FMN2: variants seen among roughly 807,000 people sequenced by gnomAD.
The protein encoded by FMN2 is formin-2.
A neutral mutation model predicts 142.3 loss-of-function variants in FMN2; 51 were observed. The observed-to-expected ratio is 0.36, with a 90% CI of 0.29 to 0.45. The LOEUF is 0.45. Among genes scored for constraint, FMN2 ranks in the 20% least tolerant of loss-of-function variants. The pLI is 1.00. For missense variants in FMN2, 1,936 were observed against 2,122.8 expected, an observed-to-expected ratio of 0.91 and a Z score of 1.73; for synonymous variants, 882 against 869.8, an observed-to-expected ratio of 1.01 and a Z score of -0.25.
At chr1:240,221,440 T>C (rs1473077998) in intron 6 of FMN2, among the ~76,000 whole-genome samples, 1 of 152,122 alleles carries the variant, frequency 6.6e-6, no homozygotes, top group East Asian at 1.9e-4. Flanking sequence ...TCTCATTGTG[T>C]TTTTGATTTG....
In FMN2 at chr1:240,404,931, TATAAG is replaced by T. The variant is rs1674099126; in HGVS notation, c.4910+12371_4910+12375del. The stretch of plus-strand genomic sequence containing the variant: ...TTTTTTTCCAGTCTTGGTTGATAAT[TATAAG>T]AGAAACATCAAAGAATTCCTGCCCT... On this transcript the variant is annotated intron_variant, in intron 15 of 17. Coordinates refer to ENST00000319653, the MANE Select transcript of FMN2 (RefSeq NM_020066.5). Among the ~76,000 whole-genome samples, 5 of 152,314 alleles carry T rather than the reference TATAAG, an allele frequency of 3.3e-5. No homozygotes were observed. The South Asian group carries it at 6.2e-4, about 19-fold the overall frequency.
intron 6 of FMN2, among the ~76,000 whole-genome samples, chr1:240,249,764 TC>T (rs1668216021): frequency 1.3e-5 from 2 of 152,138 alleles, no homozygotes; most frequent in Non-Finnish European, 2.9e-5. Flanking sequence ...TCTGTCCTCT[TC>T]AATTTCTTTC....
chr1:240,112,531 A>T (rs1484064481), intron 1 of FMN2, among the ~76,000 whole-genome samples: 1 of 152,162 alleles, frequency 6.6e-6, no homozygotes, highest in African/African-American at 2.4e-5. Flanking sequence ...GGAGGGAGGA[A>T]AGGGAGCAGA....
chr1:240,391,294 T>C (rs1673594228), intron 14 of FMN2, among the ~76,000 whole-genome samples: 1 of 152,192 alleles, frequency 6.6e-6, no homozygotes, highest in African/African-American at 2.4e-5. Context: ...ACTTTGCAGA[T>C]ACCATGCAAA....
chr1:240,382,609 C>T (rs1005383279), intron 14 of FMN2, among the ~76,000 whole-genome samples: 7 of 151,762 alleles, frequency 4.6e-5, no homozygotes, highest in African/African-American at 7.3e-5. Context: ...TGCAGTGAAC[C>T]GAGATCGTGC....
At chr1:240,216,582 A>G (rs1171356536) in intron 6 of FMN2, among the ~76,000 whole-genome samples, 1 of 152,198 alleles carries the variant, frequency 6.6e-6, no homozygotes. Flanking sequence ...TAAATGTGCT[A>G]CTTATTATAA....
intron 14 of FMN2, among the ~76,000 whole-genome samples, chr1:240,391,289 G>T (rs1169727597): frequency 2.0e-5 from 3 of 152,144 alleles, no homozygotes. Context: ...TTATGACTTT[G>T]CAGATACCAT....
Position 240,206,984 on chromosome 1 carries a change from A to G in FMN2, c.2172A>G (p.Glu724=), listed in dbSNP as rs1414556146. ...GVTASGDVCL[E]ALRLEEKEVR... The stretch of plus-strand genomic sequence containing the variant: ...CAGCCTCAGGCGATGTCTGTCTCGA[A>G]GCTCTCAGGTTAGAAGAAAAGGAAG... Residue 724 remains glutamate (E), a synonymous_variant, in exon 5 of 18, where the codon GAA becomes GAG. Transcript: ENST00000319653. 1 of 1,614,046 alleles carries G rather than the reference A, an allele frequency of 6.2e-7. No individual in the cohort carries two copies. The highest frequency in any genetic ancestry group is 8.5e-7 in the Non-Finnish European group (1 of 1,180,032).
At chr1:240,449,061 G>C (rs12095004) in intron 16 of FMN2, among the ~76,000 whole-genome samples, 23,785 of 151,626 alleles carry the variant, frequency 0.16, 2,028 homozygotes, top group Non-Finnish European at 0.19. Flanking sequence ...AGGATCACTT[G>C]AGTCTGGGCT....
intron 2 of FMN2, among the ~76,000 whole-genome samples, chr1:240,135,358 T>C (rs1226436027): frequency 6.6e-6 from 1 of 152,232 alleles, no homozygotes; most frequent in Non-Finnish European, 1.5e-5. Context: ...CTGAGTTTTC[T>C]GTAAGGGATA....
chr1:240,333,558 TCAAA>T (rs1007517221), intron 11 of FMN2, among the ~76,000 whole-genome samples: 4 of 152,068 alleles, frequency 2.6e-5, no homozygotes, highest in African/African-American at 9.7e-5. Flanking sequence ...TAAAAAATTA[TCAAA>T]CAAAAACAAT....
intron 1 of FMN2, among the ~76,000 whole-genome samples, chr1:240,106,486 G>A (rs1661613676): frequency 6.6e-6 from 1 of 152,106 alleles, no homozygotes. Flanking sequence ...GCTCCCTTAT[G>A]TATTATTGGA....
chr1:240,373,490 A>G (rs1672941749), intron 14 of FMN2, among the ~76,000 whole-genome samples: 1 of 152,172 alleles, frequency 6.6e-6, no homozygotes, highest in Non-Finnish European at 1.5e-5. Flanking sequence ...TGCTTTATCA[A>G]CTAAATTTGA....
chr1:240,188,778 G>T (rs2103349318), intron 4 of FMN2, among the ~76,000 whole-genome samples: 1 of 152,224 alleles, frequency 6.6e-6, no homozygotes, highest in Non-Finnish European at 1.5e-5. Flanking sequence ...CCAAGAATGG[G>T]CAATTTACAA....
chr1:240,128,628 G>T (rs978328466), intron 2 of FMN2, among the ~76,000 whole-genome samples: 2 of 152,182 alleles, frequency 1.3e-5, no homozygotes, highest in African/African-American at 2.4e-5. Flanking sequence ...TGATATGTAT[G>T]TAAATGGACA....
intron 14 of FMN2, among the ~76,000 whole-genome samples, chr1:240,367,107 T>A (rs1672699070): frequency 6.6e-6 from 1 of 152,180 alleles, no homozygotes; most frequent in South Asian, 2.1e-4. Flanking sequence ...TTATTTTTTT[T>A]AGTTGTTTTT....
intron 16 of FMN2, among the ~76,000 whole-genome samples, chr1:240,451,094 G>A (rs866776188): frequency 3.3e-5 from 5 of 152,140 alleles, no homozygotes; most frequent in South Asian, 2.1e-4. Context: ...TTGGCTGGGC[G>A]CAGTGGCTCA....
At chr1:240,466,115 G>A (rs966278431) in intron 16 of FMN2, among the ~76,000 whole-genome samples, 2 of 152,108 alleles carry the variant, frequency 1.3e-5, no homozygotes, top group African/African-American at 2.4e-5. Context: ...CTTTTTGTTG[G>A]TTTTGAAAAA....
At position 240,467,075 on chromosome 1, in the gene FMN2, C is replaced by T. The variant is rs1318744241; in HGVS notation, c.5061-5297C>T. On this transcript the variant is annotated intron_variant, in intron 16 of 17. Coordinates refer to ENST00000319653, the MANE Select transcript of FMN2 (RefSeq NM_020066.5). ...GGCTCTATCAAGAAGTGATCACAGC[C>T]TATCATCCTAAGAAGAAACAGAAGA... Among the ~76,000 whole-genome samples, 3 of 152,086 alleles carry T rather than the reference C, an allele frequency of 2.0e-5. No homozygotes were observed. In the East Asian group the frequency reaches 5.8e-4, roughly 29 times the overall value.
Sources: gnomAD v4.1 joint callset for allele counts (sites outside exome capture counted in the v4.1 genomes callset) on GRCh38, gnomAD v4.1.1 for gene constraint, MANE v1.5 for transcripts, NCBI Gene and HGNC (gene_info 2026-07-23, HGNC 2026-07-21) for gene names.